Variants in SUCLA2 observed in about 807,000 individuals in gnomAD.
The protein encoded by SUCLA2 is succinate-CoA ligase ADP-forming subunit beta, also known as succinate--CoA ligase [ADP-forming] subunit beta, mitochondrial.
A neutral mutation model predicts 54.8 loss-of-function variants in SUCLA2; 30 were observed. The ratio of observed to expected loss-of-function variants is 0.55; its 90% CI spans 0.41 to 0.74. The LOEUF is 0.74. Among genes scored for constraint, SUCLA2 ranks in the 30% least tolerant of loss-of-function variants. The pLI is 0.00. For synonymous variants in SUCLA2, 172 were observed against 188.9 expected (o/e 0.91, Z 0.74); for missense variants, 476 against 562.9 (o/e 0.85, Z 1.56).
intron 6 of SUCLA2, among the ~76,000 whole-genome samples, chr13:47,960,552 A>G (rs1315614876): frequency 6.6e-6 from 1 of 152,250 alleles, no homozygotes; most frequent in Non-Finnish European, 1.5e-5. Context: ...AATTTAATGA[A>G]GAAAAACTGT....
intron 8 of SUCLA2, among the ~76,000 whole-genome samples, chr13:47,952,067 A>G (rs1160637397): frequency 6.6e-6 from 1 of 151,122 alleles, no homozygotes; most frequent in Non-Finnish European, 1.5e-5. Flanking sequence ...CATCAAATCA[A>G]TCCATTACAA....
At chr13:47,966,926 G>A (rs1458309062) in intron 6 of SUCLA2, among the ~76,000 whole-genome samples, 1 of 152,064 alleles carries the variant, frequency 6.6e-6, no homozygotes, top group African/African-American at 2.4e-5. Flanking sequence ...AGGCTGAAGA[G>A]GGAGGATCGC....
chr13:47,948,640 C>T (rs1949753760), intron 10 of SUCLA2, among the ~76,000 whole-genome samples: 1 of 152,080 alleles, frequency 6.6e-6, no homozygotes, highest in Admixed American at 6.6e-5. Context: ...CATCCACTGC[C>T]CCGACCCTCT....
chr13:47,985,029 A>G (rs7981492), intron 4 of SUCLA2, among the ~76,000 whole-genome samples: 15,850 of 152,222 alleles, frequency 0.1, 915 homozygotes, highest in South Asian at 0.18. Flanking sequence ...AAGAAATCTA[A>G]TTTAACAAAG....
At chr13:47,972,466 C>T (rs548719413) in intron 5 of SUCLA2, among the ~76,000 whole-genome samples, 3 of 151,616 alleles carry the variant, frequency 2.0e-5, no homozygotes, top group Admixed American at 6.6e-5. Flanking sequence ...GTCAGGAGTT[C>T]GAGACCAACC....
intron 8 of SUCLA2, among the ~76,000 whole-genome samples, chr13:47,952,613 G>T (rs1023971317): frequency 2.6e-5 from 4 of 151,908 alleles, no homozygotes; most frequent in South Asian, 2.1e-4. Context: ...GAAAAAAAAT[G>T]AATTTAATGA....
intron 5 of SUCLA2, among the ~76,000 whole-genome samples, chr13:47,970,855 G>A (rs1029423286): frequency 1.3e-4 from 20 of 149,638 alleles, no homozygotes; most frequent in Non-Finnish European, 1.3e-4. Context: ...GCAAGACTCC[G>A]TCTCAAAAAA....
chr13:47,972,478 G>C (rs1949975264), intron 5 of SUCLA2, among the ~76,000 whole-genome samples: 1 of 151,840 alleles, frequency 6.6e-6, no homozygotes, highest in South Asian at 2.1e-4. Flanking sequence ...AGACCAACCT[G>C]ATCAACAAGA....
chr13:47,972,668 T>TA (rs34866956), intron 5 of SUCLA2, among the ~76,000 whole-genome samples: 5,161 of 125,428 alleles, frequency 0.041, 215 homozygotes, highest in African/African-American at 0.11. Flanking sequence ...GACTCCGTCT[T>TA]AAAAAAAAAA....
At chr13:47,987,324 T>C (rs1950111836) in intron 4 of SUCLA2, among the ~76,000 whole-genome samples, 1 of 152,234 alleles carries the variant, frequency 6.6e-6, no homozygotes, top group Non-Finnish European at 1.5e-5. Context: ...TTCTGGCTAC[T>C]GTAACAAAAA....
chr13:47,997,476 C>G (rs1950199987), intron 1 of SUCLA2, among the ~76,000 whole-genome samples: 1 of 152,176 alleles, frequency 6.6e-6, no homozygotes. Flanking sequence ...TATTCAAAAC[C>G]ATGGCTTCAT....
intron 10 of SUCLA2, among the ~76,000 whole-genome samples, chr13:47,947,582 C>T (rs748606913): frequency 1.3e-4 from 20 of 152,126 alleles, no homozygotes; most frequent in Admixed American, 2.6e-4. Flanking sequence ...TGGATCTAAG[C>T]TATGATGTCA....
intron 4 of SUCLA2, among the ~76,000 whole-genome samples, chr13:47,975,060 A>T (rs1432622316): frequency 1.3e-5 from 2 of 151,946 alleles, no homozygotes; most frequent in African/African-American, 2.4e-5. Context: ...TCCAAATAAA[A>T]TTTTTTTACA....
intron 4 of SUCLA2, among the ~76,000 whole-genome samples, chr13:47,982,130 A>T (rs892107665): frequency 6.6e-6 from 1 of 152,254 alleles, no homozygotes; most frequent in African/African-American, 2.4e-5. Context: ...ACAGGATCTC[A>T]AAGAAATATT....
rs943321420 is a variant in SUCLA2, at chr13:47,998,533, G to T, written c.91-1510C>A. 5.9e-5 allele frequency among the ~76,000 whole-genome samples: 9 copies of T among 152,008 alleles called. 1 individual carries two copies. The highest frequency in any genetic ancestry group is 4.6e-4 in the Admixed American group (7 of 15,256). On this transcript the variant is annotated intron_variant, in intron 1 of 10. Coordinates refer to ENST00000646932, the MANE Select transcript of SUCLA2 (RefSeq NM_003850.3). ...TCAACAGGAGAATGGATAAACTGTG[G>T]TATATGTATATAATAGTATACTACA...
intron 1 of SUCLA2, among the ~76,000 whole-genome samples, chr13:47,998,902 AAAT>A (rs1347878434): frequency 1.3e-5 from 2 of 152,240 alleles, no homozygotes; most frequent in Admixed American, 1.3e-4. Context: ...TTATACGTCA[AAAT>A]AATAATAAAA....
At chr13:47,947,577 C>G (rs1949742770) in intron 10 of SUCLA2, among the ~76,000 whole-genome samples, 1 of 152,122 alleles carries the variant, frequency 6.6e-6, no homozygotes, top group Non-Finnish European at 1.5e-5. Flanking sequence ...AATACTGGAT[C>G]TAAGCTATGA....
chr13:47,959,155 A>C (rs945612104), intron 6 of SUCLA2, among the ~76,000 whole-genome samples: 3 of 152,138 alleles, frequency 2.0e-5, no homozygotes, highest in South Asian at 4.1e-4. Flanking sequence ...GCCCCAAAAA[A>C]TGTTATGAGA....
intron 6 of SUCLA2, among the ~76,000 whole-genome samples, chr13:47,963,230 A>G (rs540310119): frequency 6.6e-6 from 1 of 152,240 alleles, no homozygotes; most frequent in Non-Finnish European, 1.5e-5. Context: ...GCTAATAAAA[A>G]CCATTTATGT....
Sources: allele counts gnomAD v4.1 joint callset (sites outside exome capture counted in the v4.1 genomes callset), GRCh38; gene constraint gnomAD v4.1.1; transcripts MANE v1.5; gene names NCBI Gene and HGNC (gene_info 2026-07-23, HGNC 2026-07-21).